PCDHA7: variants seen among roughly 807,000 people sequenced by gnomAD.
PCDHA7 encodes protocadherin alpha-7.
A neutral mutation model predicts 57.2 loss-of-function variants in PCDHA7; 37 were observed. The observed-to-expected ratio is 0.65, with a 90% confidence interval of 0.50 to 0.85. PCDHA7 has a LOEUF of 0.85. Ranked by LOEUF, PCDHA7 falls within the 40% of genes least tolerant of loss-of-function variation. The probability of loss-of-function intolerance (pLI) is 0.00; values close to 1 mark genes in which losing one functional copy is unlikely to be tolerated. For synonymous variants in PCDHA7, 553 were observed against 558.8 expected, an observed-to-expected ratio of 0.99 and a Z score of 0.15; for missense variants, 1,188 against 1,241.8, an observed-to-expected ratio of 0.96 and a Z score of 0.65.
intron 3 of PCDHA7, among the ~76,000 whole-genome samples, chr5:140,990,479 G>A (rs1227837227): frequency 3.3e-5 from 5 of 152,184 alleles, no homozygotes; most frequent in Non-Finnish European, 5.9e-5. Context: ...GTATCAAGCT[G>A]AATAGTGAGG....
chr5:140,850,299 G>A, intron 1 of PCDHA7: 1 of 1,596,610 alleles, frequency 6.3e-7, no homozygotes, highest in Non-Finnish European at 8.6e-7. Flanking sequence ...CGCCGACTCG[G>A]GCTACAACGC....
chr5:140,867,527 T>C (rs1238140449), intron 1 of PCDHA7: 1 of 152,106 alleles, frequency 6.6e-6, no homozygotes, highest in Non-Finnish European at 1.5e-5. Context: ...TAGTTGAATA[T>C]ATATATAAAA....
intron 1 of PCDHA7, among the ~76,000 whole-genome samples, chr5:140,950,045 A>G (rs1293026782): frequency 1.3e-5 from 2 of 151,934 alleles, no homozygotes; most frequent in Non-Finnish European, 2.9e-5. Context: ...ACAACCATAT[A>G]AGACTATTTA....
intron 1 of PCDHA7, chr5:140,968,750 G>A: frequency 6.2e-7 from 1 of 1,614,144 alleles, no homozygotes; most frequent in Non-Finnish European, 8.5e-7. Context: ...GACCGTGGTG[G>A]TCCGAGATAA....
Position 140,978,933 on chromosome 5 carries a change from CTT to C in PCDHA7, c.2356-14_2356-13del, listed in dbSNP as rs1179085898. On this transcript the variant is annotated splice_polypyrimidine_tract_variant and intron_variant, in intron 1 of 3. Coordinates refer to ENST00000525929, the MANE Select transcript of PCDHA7 (RefSeq NM_018910.3). The stretch of plus-strand genomic sequence containing the variant: ...TCTTGTCATTTTAACAGAAAACTCT[CTT>C]TGTGATTTTGCAGCCACGACAGCCC... 1.2e-6 allele frequency: 2 copies of C among 1,613,976 alleles called. No individual in the cohort carries two copies. The highest frequency in any genetic ancestry group is 2.7e-5 in the African/African-American group (2 of 74,920).
chr5:140,837,522 T>C (rs1187305095), intron 1 of PCDHA7, among the ~76,000 whole-genome samples: 1 of 151,966 alleles, frequency 6.6e-6, no homozygotes. Flanking sequence ...TTTACTTTTT[T>C]TGTATATTCC....
intron 1 of PCDHA7, chr5:140,926,987 G>T: frequency 6.2e-7 from 1 of 1,610,996 alleles, no homozygotes; most frequent in African/African-American, 1.3e-5. Context: ...GAGACGGAGC[G>T]GGGCGTAGCC....
chr5:140,897,937 C>T (rs1487544322), intron 1 of PCDHA7, among the ~76,000 whole-genome samples: 7 of 152,184 alleles, frequency 4.6e-5, no homozygotes, highest in African/African-American at 1.7e-4. Flanking sequence ...CTCTGATGGC[C>T]AGTGATGATT....
Position 140,834,797 on chromosome 5 carries a change from G to A in PCDHA7, c.414G>A (p.Arg138=). The A allele has an allele frequency of 1.9e-6, 3 of 1,613,022 alleles. No homozygotes were observed. The highest frequency in any genetic ancestry group is 1.1e-5 in the South Asian group (1 of 90,934). ...DNPPVFPATQ[R]NLFIAESRPL... ...CTCCGGTGTTCCCAGCGACACAAAG[G>A]AATCTGTTCATCGCGGAATCCAGGC... The change falls in exon 1 of 4, where the codon AGG becomes AGA. Residue 138 remains arginine, a synonymous_variant. Transcript: ENST00000525929.
chr5:140,848,317 A>T, intron 1 of PCDHA7: 1 of 749,894 alleles, frequency 1.3e-6, no homozygotes. Context: ...CTTTGCCGCG[A>T]TGTTCTCTCT....
At chr5:140,893,273 A>G (rs1381847994) in intron 1 of PCDHA7, among the ~76,000 whole-genome samples, 1 of 152,150 alleles carries the variant, frequency 6.6e-6, no homozygotes, top group Non-Finnish European at 1.5e-5. Context: ...CAATAGTGGA[A>G]TTGCTGGATG....
intron 3 of PCDHA7, among the ~76,000 whole-genome samples, chr5:140,993,344 A>G (rs1379621962): frequency 1.3e-5 from 2 of 152,022 alleles, no homozygotes; most frequent in Admixed American, 6.6e-5. Context: ...GAAGGGCACT[A>G]CGAAGATCCT....
At chr5:140,992,078 G>A (rs1179366244) in intron 3 of PCDHA7, among the ~76,000 whole-genome samples, 1 of 151,596 alleles carries the variant, frequency 6.6e-6, no homozygotes, top group African/African-American at 2.4e-5. Context: ...TAGAGAATGA[G>A]CTAGAGTAGA....
intron 1 of PCDHA7, chr5:140,884,666 A>C (rs1554181818): frequency 6.4e-7 from 1 of 1,571,180 alleles, no homozygotes; most frequent in African/African-American, 1.4e-5. Flanking sequence ...GAAAGAGGTA[A>C]GCTTATATTT....
At chr5:140,845,287 C>A (rs918574993) in intron 1 of PCDHA7, among the ~76,000 whole-genome samples, 1 of 149,322 alleles carries the variant, frequency 6.7e-6, no homozygotes, top group Non-Finnish European at 1.5e-5. Flanking sequence ...TATTTCCTAT[C>A]CTGTCTATGT....
At position 140,852,208 on chromosome 5, in the gene PCDHA7, C is replaced by G. The variant is rs536842960; in HGVS notation, c.2355+15470C>G. On this transcript the variant is annotated intron_variant, in intron 1 of 3. Transcript: ENST00000525929. ...AAATGCCAGTAACGTTTATTTAAAA[C>G]AAAATATTTTAATTTTTAAATTTTC... 9.1e-6 allele frequency: 6 copies of G among 657,544 alleles called. No homozygotes were observed. In the African/African-American group the frequency reaches 1.2e-4, roughly 13 times the overall value. The allele number at this position is 657,544 out of a possible 1,614,324, so 40.7% of individuals were successfully genotyped here. A position where few individuals can be genotyped will look rare whatever the true frequency, so the allele number is the denominator to read the frequency against.
chr5:140,929,201 T>C (rs146014873), intron 1 of PCDHA7: 3 of 1,614,168 alleles, frequency 1.9e-6, no homozygotes, highest in East Asian at 4.5e-5. Flanking sequence ...AACAGTTTGC[T>C]GTTGCGTGGG....
At chr5:140,973,263 A>G (rs1458697392) in intron 1 of PCDHA7, among the ~76,000 whole-genome samples, 1 of 152,136 alleles carries the variant, frequency 6.6e-6, no homozygotes, top group Admixed American at 6.5e-5. Flanking sequence ...AGTGGCACCT[A>G]CTTTTATTTC....
chr5:140,966,793 G>A lies in PCDHA7; in HGVS notation c.2356-12156G>A, dbSNP rs1456903567. 4.6e-6 allele frequency: 7 copies of A among 1,532,300 alleles called. No homozygotes were observed. The Admixed American group carries it at 5.8e-5, about 13-fold the overall frequency. The allele number at this position is 1,532,300 out of a possible 1,614,324, so 94.9% of individuals were successfully genotyped here. A position where few individuals can be genotyped will look rare whatever the true frequency, so the allele number is the denominator to read the frequency against. ...TGGAGCAGGCGGGCACCAGACCTGC[G>A]GCGACAGAGCATCCACGGCTCCGGC... On this transcript the variant is annotated intron_variant, in intron 1 of 3. Transcript: ENST00000525929.
Sources: allele counts gnomAD v4.1 joint callset (sites outside exome capture counted in the v4.1 genomes callset), GRCh38; gene constraint gnomAD v4.1.1; transcripts MANE v1.5; gene names NCBI Gene and HGNC (gene_info 2026-07-23, HGNC 2026-07-21).